Variants in NMNAT1 observed in about 807,000 individuals in gnomAD.
The protein encoded by NMNAT1 is nicotinamide/nicotinic acid mononucleotide adenylyltransferase 1.
In NMNAT1, 11 loss-of-function variants were observed where a neutral mutation model predicts 16.7. That is an observed-to-expected ratio of 0.66 (90% confidence interval 0.41 to 1.09). The LOEUF (loss-of-function observed/expected upper bound fraction) is 1.09. Among genes scored for constraint, NMNAT1 ranks in the 50% least tolerant of loss-of-function variants. The pLI is 0.00. For synonymous variants in NMNAT1, 110 were observed against 119.8 expected, an observed-to-expected ratio of 0.92 and a Z score of 0.53; for missense variants, 280 against 332.3, an observed-to-expected ratio of 0.84 and a Z score of 1.22.
At chr1:9,990,891 C>T in the NMNAT1 span, among the ~76,000 whole-genome samples, 1 of 152,062 alleles carries the variant, frequency 6.6e-6, no homozygotes, top group Non-Finnish European at 1.5e-5. Flanking sequence ...CTTCTCCTTC[C>T]AGAGATAACC....
At chr1:9,966,692 T>A (rs1273363498) in intron 1 of NMNAT1, among the ~76,000 whole-genome samples, 1 of 152,186 alleles carries the variant, frequency 6.6e-6, no homozygotes, top group African/African-American at 2.4e-5. Flanking sequence ...TTTTTTTAAC[T>A]TGTTGAAAAC....
intron 1 of NMNAT1, among the ~76,000 whole-genome samples, chr1:9,968,083 T>TTTTTTTTTTTC (rs1326350775): frequency 7.2e-6 from 1 of 139,562 alleles, no homozygotes; most frequent in Non-Finnish European, 1.6e-5. Context: ...TTTTTTTGTT[T>TTTTTTTTTTTC]TTTTTTGAGA....
intron 1 of NMNAT1, among the ~76,000 whole-genome samples, chr1:9,961,990 A>G (rs1279905338): frequency 2.0e-5 from 3 of 150,626 alleles, no homozygotes; most frequent in Non-Finnish European, 4.4e-5. Flanking sequence ...CTAGTCTCGA[A>G]CTCCCAACCA....
chr1:9,969,968 A>G (rs954450658), intron 1 of NMNAT1, among the ~76,000 whole-genome samples: 1 of 152,154 alleles, frequency 6.6e-6, no homozygotes, highest in Non-Finnish European at 1.5e-5. Flanking sequence ...CAAAGAGAAG[A>G]CCTTACATGC....
chr1:9,989,871 A>G (rs1027287134), downstream of NMNAT1, among the ~76,000 whole-genome samples: 1 of 152,182 alleles, frequency 6.6e-6, no homozygotes, highest in Non-Finnish European at 1.5e-5. Flanking sequence ...CTGGGGCTTC[A>G]GGGGTTGCAG....
In NMNAT1 at chr1:9,982,625, G is replaced by A. The variant is rs138626416; in HGVS notation, c.764G>A (p.Ser255Asn). 882 of 1,614,136 alleles carry A rather than the reference G, an allele frequency of 5.5e-4. 8 individuals are homozygous for A. The East Asian group carries it at 0.018, about 33-fold the overall frequency. The change falls in exon 5 of 5, where the codon AGC becomes AAC. Residue 255 changes from serine (S) to asparagine (N), a missense_variant. Transcript: ENST00000377205. ...TACATTGAAAAGCATAATTTGTACA[G>A]CTCTGAGAGTGAAGACAGGAATGCT... is the stretch of plus-strand genomic sequence containing the variant. ...QEYIEKHNLYSSESEDRNAGV... is the reference protein window; with the variant it reads ...QEYIEKHNLYNSESEDRNAGV...
rs761765917 is a variant in NMNAT1 at position 9,982,329 on chromosome 1, G to A, written c.468G>A (p.Gly156=). Residue 156 remains glycine (G), a synonymous_variant, in exon 5 of 5, where the codon GGG becomes GGA. Transcript: ENST00000377205. The part of the protein sequence containing the change: ...KAVPKVKLLC[G]ADLLESFAVP... ...TGCCAAAGGTCAAGCTGCTGTGTGG[G>A]GCAGATTTATTGGAGTCCTTTGCTG... 2.5e-6 allele frequency: 4 copies of A among 1,613,872 alleles called. No homozygotes were observed. In the Admixed American group the frequency reaches 5.0e-5, roughly 20 times the overall value.
chr1:9,960,948 A>G (rs994372001), intron 1 of NMNAT1, among the ~76,000 whole-genome samples: 1 of 152,198 alleles, frequency 6.6e-6, no homozygotes, highest in Non-Finnish European at 1.5e-5. Flanking sequence ...TCTTCAGGAA[A>G]GGGACAGACC....
rs1052368782 is a variant in NMNAT1, at chr1:9,983,805, T to C, written c.*1104T>C. 7.9e-5 allele frequency: 12 copies of C among 152,122 alleles called. No individual in the cohort carries two copies. The highest frequency in any genetic ancestry group is 2.7e-4 in the African/African-American group (11 of 41,422). 9.4% of individuals were successfully genotyped at this position (152,122 alleles called of 1,614,324 possible). ...GAGTTGAAGGAGTCCTGAAAAGTAA[T>C]GATAGAGCAAGATGAAGCTATCAGA... On this transcript the variant is annotated 3_prime_UTR_variant, in exon 5 of 5. Transcript: ENST00000377205.
At chr1:9,986,097 C>T (rs1273597797), downstream of NMNAT1, among the ~76,000 whole-genome samples, 2 of 152,168 alleles carry the variant, frequency 1.3e-5, no homozygotes, top group African/African-American at 4.8e-5. Flanking sequence ...TTCTCCCTCA[C>T]GTGTCTTACC....
chr1:9,966,200 G>C (rs774801775), intron 1 of NMNAT1, among the ~76,000 whole-genome samples: 4 of 152,224 alleles, frequency 2.6e-5, no homozygotes, highest in Non-Finnish European at 5.9e-5. Flanking sequence ...TTGGGAGGCT[G>C]AGGCAGGAGA....
chr1:9,974,905 T>C lies in NMNAT1; in HGVS notation c.116-687T>C, dbSNP rs182947575. The stretch of plus-strand genomic sequence containing the variant: ...TGGATGCTAAAGCTCACTATTTGCC[T>C]ATGACATTGAGAAATGGGCTTTTGC... On this transcript the variant is annotated intron_variant, in intron 2 of 4. Transcript: ENST00000377205. Among the ~76,000 whole-genome samples, 32 of 152,294 alleles carry C rather than the reference T, an allele frequency of 2.1e-4. No individual in the cohort carries two copies. In the East Asian group the frequency reaches 3.7e-3, roughly 17 times the overall value.
intron 1 of NMNAT1, among the ~76,000 whole-genome samples, chr1:9,955,131 G>C (rs965794334): frequency 3.3e-5 from 5 of 151,308 alleles, no homozygotes; most frequent in Admixed American, 2.0e-4. Flanking sequence ...AGCTGGGCGC[G>C]GTGGCTCACG....
At chr1:9,975,951 G>A (rs12082318) in intron 3 of NMNAT1, among the ~76,000 whole-genome samples, 176 bp downstream of exon 3, 12,203 of 152,152 alleles carry the variant, frequency 0.08, 738 homozygotes, top group East Asian at 0.21. Context: ...CAGCACCAAA[G>A]GATGGGTCTT....
In NMNAT1 at chr1:9,982,981, C is replaced by T; in HGVS notation, c.*280C>T. ...ATTAGCTGTGTGTGGTGGCACGTGCCTGTAGTCCCAGCTACTTGGGAGGCT... is the reference window on the plus strand; with the variant it reads ...ATTAGCTGTGTGTGGTGGCACGTGCTTGTAGTCCCAGCTACTTGGGAGGCT... On this transcript the variant is annotated 3_prime_UTR_variant, in exon 5 of 5. Transcript: ENST00000377205. The T allele has an allele frequency of 3.9e-6, 1 of 259,172 alleles. No homozygotes were observed. Among genetic ancestry groups the T allele is most frequent in the Non-Finnish European group, 7.5e-6 (1 of 133,506 alleles). 16.1% of individuals were successfully genotyped at this position (259,172 alleles called of 1,614,324 possible).
intron 1 of NMNAT1, chr1:9,947,440 C>T (rs1002145395): frequency 5.2e-5 from 8 of 152,488 alleles, no homozygotes; most frequent in African/African-American, 7.2e-5. Flanking sequence ...ATATCCCTCC[C>T]GAAGCTGCAC....
At chr1:9,993,110 A>C in the NMNAT1 span, among the ~76,000 whole-genome samples, 1 of 152,070 alleles carries the variant, frequency 6.6e-6, no homozygotes, top group Non-Finnish European at 1.5e-5. Flanking sequence ...CTGCTGGTGG[A>C]GGAGTAGCCA....
Position 9,954,799 on chromosome 1 carries a change from C to T in NMNAT1, c.-57+11284C>T, listed in dbSNP as rs186895489. ...TACAAACATTAGGTTCGTGTGGTGG[C>T]GCGTGCCTGTAATCCCAGCTACTCA... is the stretch of plus-strand genomic sequence containing the variant. On this transcript the variant is annotated intron_variant, in intron 1 of 4. Coordinates refer to ENST00000377205, the MANE Select transcript of NMNAT1 (RefSeq NM_022787.4). 3.1e-3 allele frequency among the ~76,000 whole-genome samples: 471 copies of T among 151,360 alleles called. 6 individuals carry two copies. The highest frequency in any genetic ancestry group is 0.011 in the African/African-American group (440 of 41,236).
chr1:9,994,138 A>G, the NMNAT1 span, among the ~76,000 whole-genome samples: 1 of 133,920 alleles, frequency 7.5e-6, no homozygotes, highest in African/African-American at 2.9e-5. Flanking sequence ...TTTGCAACAG[A>G]ATCACTCCGT....
Sources: allele counts gnomAD v4.1 joint callset (sites outside exome capture counted in the v4.1 genomes callset), GRCh38; gene constraint gnomAD v4.1.1; transcripts MANE v1.5; gene names NCBI Gene and HGNC (gene_info 2026-07-23, HGNC 2026-07-21).